Variants in DDI2 observed in about 807,000 individuals in gnomAD.
DDI2 encodes DDI proteasomal shuttling factor 2, also known as protein DDI1 homolog 2.
A neutral mutation model predicts 48.1 loss-of-function variants in DDI2; 5 were observed. The observed-to-expected ratio is 0.10, with a 90% CI of 0.05 to 0.22. DDI2 has a LOEUF of 0.22. Among genes scored for constraint, DDI2 ranks in the 10% least tolerant of loss-of-function variants. The pLI is 1.00. For missense variants in DDI2, 285 were observed against 506.2 expected (o/e 0.56, Z 4.19); for synonymous variants, 205 against 183.6 (o/e 1.12, Z -0.94).
intron 7 of DDI2, 47 bp downstream of exon 7, chr1:15,649,870 A>G: frequency 1.3e-6 from 2 of 1,549,442 alleles, no homozygotes; most frequent in South Asian, 1.2e-5. Context: ...TTTTTGTAAT[A>G]TGGTCATTAT....
Position 15,617,718 on chromosome 1 carries a change from CT to C in DDI2, c.52del (p.Ser18ProfsTer49). Reference sequence around the variant, plus strand: ...TGCGGAGGGACCTCTCCGAGGTGACCTTTTCCCTCCAGGTCGACGCCGACTT... The same window carrying C: ...TGCGGAGGGACCTCTCCGAGGTGACCTTTCCCTCCAGGTCGACGCCGACTT... The part of the protein sequence containing the change: ...CVRRDLSEVT[F>X]SLQVDADFEL... On this transcript the variant is annotated frameshift_variant, in exon 1 of 10. Transcript: ENST00000480945. LOFTEE classifies it high-confidence loss of function. The C allele has an allele frequency of 6.2e-7, 1 of 1,610,718 alleles. No individual in the cohort carries two copies.
intron 8 of DDI2, among the ~76,000 whole-genome samples, chr1:15,654,011 G>A (rs964035644): frequency 6.6e-6 from 1 of 152,126 alleles, no homozygotes; most frequent in Non-Finnish European, 1.5e-5. Flanking sequence ...ATTATAGAAC[G>A]GTGACTCTGG....
intron 1 of DDI2, among the ~76,000 whole-genome samples, chr1:15,618,641 G>C (rs548225700): frequency 3.3e-5 from 5 of 152,324 alleles, no homozygotes; most frequent in African/African-American, 9.6e-5. Context: ...AAGAAGTTCA[G>C]CCTCTCATAT....
At position 15,652,449 on chromosome 1, in the gene DDI2, AGGGG is replaced by A. The variant is rs1169848525; in HGVS notation, c.1183+567_1183+570del. On this transcript the variant is annotated intron_variant, in intron 8 of 9. Coordinates refer to ENST00000480945, the MANE Select transcript of DDI2 (RefSeq NM_032341.5). ...ATCCCAGCACTTTGGGAGGCTCCGGAGGGGGGGGGGGGGGGGCGGATCACCTGAG... is the reference window on the plus strand; with the variant it reads ...ATCCCAGCACTTTGGGAGGCTCCGGAGGGGGGGGGGGGCGGATCACCTGAG... Among the ~76,000 whole-genome samples, 3 of 8,212 alleles carry A rather than the reference AGGGG, an allele frequency of 3.7e-4. 1 individual carries two copies. The highest frequency in any genetic ancestry group is 5.4e-4 in the African/African-American group (1 of 1,848). 5.4% of individuals were successfully genotyped at this position (8,212 alleles called of 152,430 possible). A position where few individuals can be genotyped will look rare whatever the true frequency, so the allele number is the denominator to read the frequency against.
At chr1:15,636,329 T>C (rs1639928534) in intron 4 of DDI2, among the ~76,000 whole-genome samples, 1 of 152,126 alleles carries the variant, frequency 6.6e-6, no homozygotes, top group South Asian at 2.1e-4. Flanking sequence ...GGTTTCGCCG[T>C]GTTGCCCAGT....
At chr1:15,640,277 C>T (rs533663944) in intron 5 of DDI2, among the ~76,000 whole-genome samples, 11 of 152,230 alleles carry the variant, frequency 7.2e-5, no homozygotes, top group African/African-American at 2.6e-4. Flanking sequence ...TTAATATAAT[C>T]ATCTTACTCA....
intron 7 of DDI2, among the ~76,000 whole-genome samples, chr1:15,651,030 T>A (rs1476802883): frequency 5.9e-5 from 9 of 151,978 alleles, no homozygotes; most frequent in Admixed American, 5.9e-4. Context: ...AATTTTTGTA[T>A]TTGTAGTAGA....
At position 15,618,297 on chromosome 1, in the gene DDI2, G is replaced by A. The variant is rs1173678421; in HGVS notation, c.138+489G>A. The stretch of plus-strand genomic sequence containing the variant: ...GGAGAGGGTTTCTGCTTAAATATAC[G>A]CAGTTTACCTTTAAATGCACAGATT... On this transcript the variant is annotated intron_variant, in intron 1 of 9. Transcript: ENST00000480945. Among the ~76,000 whole-genome samples the A allele has an allele frequency of 8.4e-5, 12 of 142,344 alleles. No individual in the cohort carries two copies. The Admixed American group carries it at 8.7e-4, about 10-fold the overall frequency. The allele number at this position is 142,344 out of a possible 152,430, so 93.4% of individuals were successfully genotyped here.
chr1:15,633,907 A>C (rs1639886588), intron 4 of DDI2: 1 of 436,022 alleles, frequency 2.3e-6, no homozygotes, highest in African/African-American at 2.1e-5. Context: ...GTTGCATATT[A>C]CATGGGCTGA....
chr1:15,644,578 GTTTT>G (rs1170290224), intron 6 of DDI2, among the ~76,000 whole-genome samples: 2 of 110,144 alleles, frequency 1.8e-5, no homozygotes, highest in Non-Finnish European at 3.7e-5. Flanking sequence ...TTTCTTTTCA[GTTTT>G]TTTTGTTTTT....
intron 1 of DDI2, among the ~76,000 whole-genome samples, chr1:15,622,332 T>C (rs565083437): frequency 2.6e-5 from 4 of 152,250 alleles, no homozygotes; most frequent in African/African-American, 9.6e-5. Context: ...CCTACTAGTT[T>C]ATGTTCTGTA....
intron 8 of DDI2, chr1:15,656,305 T>A (rs1179905230): frequency 2.5e-6 from 2 of 801,722 alleles, no homozygotes; most frequent in Non-Finnish European, 3.4e-6. Context: ...ATCACCTAAT[T>A]CGATCAGGTG....
chr1:15,656,803 A>G (rs1640280065), intron 9 of DDI2, 124 bp downstream of exon 9: 3 of 1,377,862 alleles, frequency 2.2e-6, no homozygotes, highest in Non-Finnish European at 3.0e-6. Context: ...CAATCTGGTT[A>G]CAACTAGCCT....
At position 15,661,081 on chromosome 1, in the gene DDI2, CT is replaced by C. The variant is rs746810304; in HGVS notation, c.*1293del. ...TGAAAGATGGACCCAAAATGAGCAT[CT>C]TACCCAGAATGAACAGTGTCCACAA... On this transcript the variant is annotated 3_prime_UTR_variant, in exon 10 of 10. Transcript: ENST00000480945. 2 of 1,614,018 alleles carry C rather than the reference CT, an allele frequency of 1.2e-6. No individual in the cohort carries two copies. The highest frequency in any genetic ancestry group is 8.5e-7 in the Non-Finnish European group (1 of 1,180,010).
intron 3 of DDI2, among the ~76,000 whole-genome samples, chr1:15,631,064 C>T (rs1570970968): frequency 6.6e-6 from 1 of 152,144 alleles, no homozygotes; most frequent in South Asian, 2.1e-4. Flanking sequence ...AGGATGGTCT[C>T]GATCTCCTGA....
chr1:15,668,854 T>C lies in DDI2; in HGVS notation c.*9064T>C, dbSNP rs1353911420. On this transcript the variant is annotated 3_prime_UTR_variant, in exon 10 of 10. Transcript: ENST00000480945. ...GTGCCATTCGTTTAGGGGCTGAACA[T>C]AGGACCTGTCTGAAACTGAGTGAGC... is the stretch of plus-strand genomic sequence containing the variant. The C allele has an allele frequency of 2.0e-5, 3 of 152,188 alleles. No individual in the cohort carries two copies. The highest frequency in any genetic ancestry group is 4.4e-5 in the Non-Finnish European group (3 of 68,048). The allele number at this position is 152,188 out of a possible 1,614,324, so 9.4% of individuals were successfully genotyped here. A position where few individuals can be genotyped will look rare whatever the true frequency, so the allele number is the denominator to read the frequency against.
At chr1:15,656,360 A>G (rs1640273726) in intron 8 of DDI2, 4 of 1,307,038 alleles carry the variant, frequency 3.1e-6, no homozygotes, top group African/African-American at 3.1e-5. Context: ...TGAATTCTCT[A>G]TGTGTAGAAA....
rs778415420 is a variant in DDI2, at chr1:15,656,592, C to T, written c.1184-25C>T. On this transcript the variant is annotated intron_variant, in intron 8 of 9. Coordinates refer to ENST00000480945, the MANE Select transcript of DDI2 (RefSeq NM_032341.5). Reference sequence around the variant, plus strand: ...GGTTTGCATTGTTAACCCAAGTTTGCTTGTCTGTTTCCTAATTCACACAGA... The same window carrying T: ...GGTTTGCATTGTTAACCCAAGTTTGTTTGTCTGTTTCCTAATTCACACAGA... 2.5e-6 allele frequency: 4 copies of T among 1,614,116 alleles called. No individual in the cohort carries two copies. The South Asian group carries it at 4.4e-5, about 18-fold the overall frequency.
chr1:15,633,528 G>T lies in DDI2; in HGVS notation c.595G>T (p.Asp199Tyr). 2 of 1,613,594 alleles carry T rather than the reference G, an allele frequency of 1.2e-6. No homozygotes were observed. The highest frequency in any genetic ancestry group is 2.2e-5 in the South Asian group (2 of 91,040). The change falls in exon 4 of 10, where the codon GAC becomes TAC. Residue 199 changes from aspartate to tyrosine, a missense_variant. Around this residue, in one of 3 missense-constraint regions of DDI2, gnomAD observed 70 missense variants for 182.3 expected, o/e 0.38. Transcript: ENST00000480945. ...RIRLFSADPFDLEAQAKIEED... is the reference protein window; with the variant it reads ...RIRLFSADPFYLEAQAKIEED... ...TCGTCTGTTTTCTGCTGATCCCTTTGACCTTGAAGCTCAGGCAAAGATAGA... is the reference window on the plus strand; with the variant it reads ...TCGTCTGTTTTCTGCTGATCCCTTTTACCTTGAAGCTCAGGCAAAGATAGA...
Sources: allele counts gnomAD v4.1 joint callset (sites outside exome capture counted in the v4.1 genomes callset), GRCh38; gene constraint gnomAD v4.1.1; regional missense constraint gnomAD v4.1.1; transcripts MANE v1.5; gene names NCBI Gene and HGNC (gene_info 2026-07-23, HGNC 2026-07-21).